The following IL12RB1 variants were observed in gnomAD, a reference collection of about 807,000 sequenced individuals.
IL12RB1 encodes interleukin 12 receptor subunit beta 1, also known as interleukin-12 receptor subunit beta-1.
In IL12RB1, 64 loss-of-function variants were observed where a neutral mutation model predicts 94.4. The observed-to-expected ratio is 0.68, with a 90% CI of 0.55 to 0.83. IL12RB1 has a LOEUF of 0.83. IL12RB1 is among the 40% of genes least tolerant of loss of function. The pLI is 0.00. For synonymous variants in IL12RB1, 362 were observed against 355.5 expected (o/e 1.02, Z -0.21); for missense variants, 814 against 855.6 (o/e 0.95, Z 0.61).
At chr19:18,064,837 G>T (rs190743702) in intron 12 of IL12RB1, among the ~76,000 whole-genome samples, 6 of 152,168 alleles carry the variant, frequency 3.9e-5, no homozygotes, top group Admixed American at 2.6e-4. Flanking sequence ...CTGGAGGCAG[G>T]GCTTGGACAC....
intron 16 of IL12RB1, 81 bp downstream of exon 16, chr19:18,059,813 C>G: frequency 2.4e-6 from 2 of 825,904 alleles, no homozygotes; most frequent in Non-Finnish European, 4.1e-6. Flanking sequence ...CCCTGATATC[C>G]CAGGAGCGAT....
At chr19:18,065,148 G>GT (rs1385956313) in intron 12 of IL12RB1, among the ~76,000 whole-genome samples, 1 of 152,220 alleles carries the variant, frequency 6.6e-6, no homozygotes, top group East Asian at 1.9e-4. Flanking sequence ...GGCCACTTCA[G>GT]TAAAAGTTTC....
chr19:18,073,488 A>T, intron 8 of IL12RB1, 29 bp downstream of exon 8: 1 of 1,435,868 alleles, frequency 7.0e-7, no homozygotes, highest in Non-Finnish European at 9.8e-7. Context: ...ATCCCAGGCC[A>T]CCCCACAGCC....
At chr19:18,073,049 G>C (rs558980143) in intron 8 of IL12RB1, among the ~76,000 whole-genome samples, 1 of 152,084 alleles carries the variant, frequency 6.6e-6, no homozygotes, top group East Asian at 1.9e-4. Flanking sequence ...CAGCCCATTA[G>C]GGACCTGACT....
At chr19:18,064,076 C>CCA in intron 12 of IL12RB1, 66 bp from the exon 13 acceptor site, 1 of 1,164,202 alleles carries the variant, frequency 8.6e-7, no homozygotes, top group Non-Finnish European at 1.3e-6. Flanking sequence ...GGCTGGGCTA[C>CCA]CACAGCCTGT....
intron 5 of IL12RB1, among the ~76,000 whole-genome samples, chr19:18,076,708 A>T (rs1412348865): frequency 6.6e-6 from 1 of 152,042 alleles, no homozygotes; most frequent in Non-Finnish European, 1.5e-5. Flanking sequence ...ACCTCGCTAA[A>T]TTTTTTTAAA....
chr19:18,096,968 G>T (rs1160160915), intron 1 of IL12RB1, among the ~76,000 whole-genome samples: 1 of 152,026 alleles, frequency 6.6e-6, no homozygotes, highest in Non-Finnish European at 1.5e-5. Context: ...AACATAGTGA[G>T]ATCCCCGTCT....
chr19:18,091,997 C>T (rs1034673451), intron 1 of IL12RB1, among the ~76,000 whole-genome samples: 2 of 151,472 alleles, frequency 1.3e-5, no homozygotes, highest in Admixed American at 1.3e-4. Flanking sequence ...CTGCCTCAGC[C>T]TCCTGAGTAG....
chr19:18,070,969 G>A (rs845381), intron 9 of IL12RB1: 25,491 of 165,378 alleles, frequency 0.15, 2,259 homozygotes, highest in Non-Finnish European at 0.2. Context: ...GGCCACAGTG[G>A]CTCACACCTG....
In IL12RB1 at chr19:18,068,523, G is replaced by A. The variant is rs767867372; in HGVS notation, c.1193C>T (p.Thr398Ile). 6.2e-7 allele frequency: 1 copy of A among 1,611,776 alleles called. No individual in the cohort carries two copies. Among genetic ancestry groups the A allele is most frequent in the South Asian group, 1.1e-5 (1 of 91,012 alleles). ...PQDPDPAGMA[T>I]YSWSRESGAM... ...CCCAGACTCTCGACTCCAGCTGTAGGTTGCTGGAAGGATAAGCAAAGGCCA... is the reference window on the plus strand; with the variant it reads ...CCCAGACTCTCGACTCCAGCTGTAGATTGCTGGAAGGATAAGCAAAGGCCA... The change falls in exon 11 of 17, where the codon ACC (threonine) becomes ATC (isoleucine). Residue 398 changes from threonine (T) to isoleucine (I), a missense_variant. Transcript: ENST00000593993.
rs1599428118 is a variant in IL12RB1 at position 18,059,271 on chromosome 19, C to A, written c.*337G>T. On this transcript the variant is annotated 3_prime_UTR_variant, in exon 17 of 17. Transcript: ENST00000593993. ...TGCAGGGAGCCCTTGAGTCCAGACT[C>A]CCCATCCAGTGCTCCTGGGGGTGGA... 2.2e-6 allele frequency: 1 copy of A among 447,018 alleles called. No individual in the cohort carries two copies. Among genetic ancestry groups the A allele is most frequent in the Non-Finnish European group, 4.1e-6 (1 of 241,622 alleles). 27.7% of individuals were successfully genotyped at this position (447,018 alleles called of 1,614,324 possible).
chr19:18,066,501 C>A (rs1395185916), intron 12 of IL12RB1, 41 bp downstream of exon 12: 6 of 1,457,072 alleles, frequency 4.1e-6, no homozygotes, highest in Non-Finnish European at 4.8e-6. Flanking sequence ...GGCCAGGATC[C>A]TCCCTTCCTC....
chr19:18,066,474 C>G, intron 12 of IL12RB1, 68 bp downstream of exon 12: 1 of 1,167,640 alleles, frequency 8.6e-7, no homozygotes. Flanking sequence ...CAGGGTCACA[C>G]AGCAAGAGAG....
chr19:18,059,737 G>A (rs549009800), intron 16 of IL12RB1, 124 bp from the exon 17 acceptor site: 2 of 745,678 alleles, frequency 2.7e-6, no homozygotes, highest in South Asian at 1.4e-5. Flanking sequence ...CGTTGTGATT[G>A]AGATAGTCGC....
chr19:18,077,745 C>T (rs2035593475), intron 4 of IL12RB1, 90 bp from the exon 5 acceptor site: 1 of 806,846 alleles, frequency 1.2e-6, no homozygotes, highest in East Asian at 2.5e-5. Flanking sequence ...GGGTAAGCAA[C>T]TGAATCCCTA....
At chr19:18,095,864 T>A (rs1343843252) in intron 1 of IL12RB1, among the ~76,000 whole-genome samples, 1 of 152,002 alleles carries the variant, frequency 6.6e-6, no homozygotes, top group Non-Finnish European at 1.5e-5. Context: ...GTGTCCACAC[T>A]GTACAGTGGG....
chr19:18,079,759 C>T (rs575237759), intron 4 of IL12RB1, among the ~76,000 whole-genome samples: 5 of 152,006 alleles, frequency 3.3e-5, no homozygotes, highest in Admixed American at 6.5e-5. Flanking sequence ...TAGCCGGGCG[C>T]GGTGGCGGGC....
chr19:18,064,605 C>T (rs2034438592), intron 12 of IL12RB1, among the ~76,000 whole-genome samples: 1 of 150,190 alleles, frequency 6.7e-6, no homozygotes, highest in Non-Finnish European at 1.5e-5. Context: ...CCTGAGTAGC[C>T]GGGATTACAG....
At chr19:18,070,431 G>A (rs923036237) in intron 9 of IL12RB1, 22 of 641,496 alleles carry the variant, frequency 3.4e-5, no homozygotes, top group Middle Eastern at 7.8e-4. Context: ...CCTGACCGGC[G>A]CCACTGGTGG....
Sources: gnomAD v4.1 joint callset for allele counts (sites outside exome capture counted in the v4.1 genomes callset) on GRCh38, gnomAD v4.1.1 for gene constraint, MANE v1.5 for transcripts, NCBI Gene and HGNC (gene_info 2026-07-23, HGNC 2026-07-21) for gene names.